The following AVEN variants were observed in gnomAD, a reference collection of about 807,000 sequenced individuals.
AVEN encodes the protein apoptosis and caspase activation inhibitor.
Under a neutral mutation model 38.1 loss-of-function variants are expected in AVEN, and 41 were observed. The ratio of observed to expected loss-of-function variants is 1.08; its 90% CI spans 0.84 to 1.40. The LOEUF (loss-of-function observed/expected upper bound fraction) is 1.40. AVEN is among the 40% of genes most tolerant of loss of function. AVEN has a pLI of 0.00. For missense variants in AVEN, 605 were observed against 438.8 expected (o/e 1.38, Z -3.38); for synonymous variants, 206 against 171.8 (o/e 1.20, Z -1.56).
chr15:33,928,589 G>A (rs917274576), intron 2 of AVEN, among the ~76,000 whole-genome samples: 1 of 152,188 alleles, frequency 6.6e-6, no homozygotes, highest in Non-Finnish European at 1.5e-5. Flanking sequence ...CTGAATGGGG[G>A]AGGCAGAGGA....
intron 2 of AVEN, among the ~76,000 whole-genome samples, chr15:33,949,273 G>A (rs553673933): frequency 1.1e-4 from 16 of 152,084 alleles, no homozygotes; most frequent in African/African-American, 2.9e-4. Flanking sequence ...TGATCCGCCC[G>A]CCTCAGCCTC....
chr15:34,014,610 G>A (rs1361360348), intron 1 of AVEN, among the ~76,000 whole-genome samples: 1 of 152,166 alleles, frequency 6.6e-6, no homozygotes, highest in African/African-American at 2.4e-5. Flanking sequence ...AGGTACCAGT[G>A]TCTGTGAGAG....
At chr15:33,864,092 T>C, downstream of AVEN, 1 of 1,441,068 alleles carries the variant, frequency 6.9e-7, no homozygotes, top group Non-Finnish European at 9.7e-7. Flanking sequence ...GCGAATGAAC[T>C]TGGGTCTTGA....
At chr15:34,060,923 G>A (rs1348561629) in intron 5 of AVEN, among the ~76,000 whole-genome samples, 2 of 151,996 alleles carry the variant, frequency 1.3e-5, no homozygotes, top group African/African-American at 4.8e-5. Flanking sequence ...GGCTGAGGCA[G>A]GAGAATGGCG....
chr15:33,881,917 TGTA>T (rs1411084767), intron 2 of AVEN, among the ~76,000 whole-genome samples: 2 of 152,190 alleles, frequency 1.3e-5, no homozygotes, highest in African/African-American at 4.8e-5. Context: ...GACAGCCAAC[TGTA>T]GTTGACAAGG....
At chr15:33,865,589 A>C, downstream of AVEN, 1 of 193,760 alleles carries the variant, frequency 5.2e-6, no homozygotes, top group East Asian at 1.3e-4. Context: ...TGAAAATTTA[A>C]ACACTTGAAT....
At chr15:33,923,958 C>G (rs1475992160) in intron 2 of AVEN, among the ~76,000 whole-genome samples, 5 of 99,476 alleles carry the variant, frequency 5.0e-5, no homozygotes, top group African/African-American at 1.7e-4. Context: ...GCTCAGGGCT[C>G]CCACTGATTC....
intron 2 of AVEN, among the ~76,000 whole-genome samples, chr15:33,877,443 A>T (rs182981863): frequency 1.2e-3 from 181 of 152,376 alleles, no homozygotes; most frequent in African/African-American, 3.9e-3. Flanking sequence ...AGTGAAAGGG[A>T]CTCAGAAAGG....
At chr15:33,853,360 TA>T in the AVEN span, among the ~76,000 whole-genome samples, 3 of 152,170 alleles carry the variant, frequency 2.0e-5, no homozygotes, top group African/African-American at 4.8e-5. Context: ...AGTATCAGCT[TA>T]AAAAACAGTT....
intron 1 of AVEN, among the ~76,000 whole-genome samples, chr15:34,027,271 T>C (rs1056567740): frequency 2.0e-5 from 3 of 152,038 alleles, no homozygotes; most frequent in Non-Finnish European, 2.9e-5. Context: ...TCCTAGCACT[T>C]TGGGAGGCTG....
chr15:33,895,732 A>G (rs13379957), intron 2 of AVEN, among the ~76,000 whole-genome samples: 10,226 of 152,256 alleles, frequency 0.067, 1,061 homozygotes, highest in African/African-American at 0.22. Context: ...GATAAATAGA[A>G]CAACCCATTA....
chr15:33,874,412 C>T (rs1455273376), intron 3 of AVEN, among the ~76,000 whole-genome samples: 1 of 152,122 alleles, frequency 6.6e-6, no homozygotes, highest in Non-Finnish European at 1.5e-5. Context: ...TGAGCATAAC[C>T]TCGTTTTCCT....
In AVEN at chr15:34,023,486, C is replaced by G. The variant is rs530455518; in HGVS notation, c.267+15294G>C. Among the ~76,000 whole-genome samples, 36 of 152,310 alleles carry G rather than the reference C, an allele frequency of 2.4e-4. No homozygotes were observed. In the South Asian group the frequency reaches 7.5e-3, roughly 32 times the overall value. ...CAGGCGCAGCCCACCTCTCACCTTC[C>G]TCTTGATGATGCTGTCAGGGTAGAG... On this transcript the variant is annotated intron_variant, in intron 1 of 5. Transcript: ENST00000306730.
intron 2 of AVEN, among the ~76,000 whole-genome samples, chr15:33,940,968 T>C (rs1028049973): frequency 6.6e-6 from 1 of 152,232 alleles, no homozygotes; most frequent in African/African-American, 2.4e-5. Flanking sequence ...ACGGTTTCTT[T>C]ACAGAGTATT....
At chr15:33,868,896 TAA>T (rs575880540) in intron 4 of AVEN, among the ~76,000 whole-genome samples, 8 of 152,254 alleles carry the variant, frequency 5.3e-5, no homozygotes, top group Admixed American at 3.3e-4. Flanking sequence ...TATACTTTAA[TAA>T]AAGTTACAAA....
intron 2 of AVEN, chr15:33,972,470 G>A (rs1895680254): frequency 1.3e-5 from 2 of 151,232 alleles, no homozygotes; most frequent in Admixed American, 1.3e-4. Context: ...GAGGGGGCTG[G>A]TTAACACCTT....
At chr15:34,027,722 T>A (rs2632077) in intron 1 of AVEN, among the ~76,000 whole-genome samples, 138,533 of 151,728 alleles carry the variant, frequency 0.91, 64,368 homozygotes, top group Non-Finnish European at 1. Context: ...ACCAGACTCA[T>A]TTCACTCTGT....
At chr15:33,861,238 T>G (rs1311262065), downstream of AVEN, 1 of 1,222,092 alleles carries the variant, frequency 8.2e-7, no homozygotes, top group Non-Finnish European at 1.2e-6. Context: ...GCCAATTAGG[T>G]CATATAGTTC....
chr15:33,943,794 G>A (rs1289644536), intron 2 of AVEN, among the ~76,000 whole-genome samples: 2 of 128,000 alleles, frequency 1.6e-5, no homozygotes, highest in African/African-American at 5.8e-5. Flanking sequence ...CTGCACTCCA[G>A]CCTGGGTGAC....
Sources: allele counts gnomAD v4.1 joint callset (sites outside exome capture counted in the v4.1 genomes callset), GRCh38; gene constraint gnomAD v4.1.1; transcripts MANE v1.5; gene names NCBI Gene and HGNC (gene_info 2026-07-23, HGNC 2026-07-21).